KCNIP4: variants seen among roughly 807,000 people sequenced by gnomAD.
KCNIP4 encodes potassium voltage-gated channel interacting protein 4, also known as Kv channel-interacting protein 4.
KCNIP4 carries 12 observed loss-of-function variants against 34.0 expected under a neutral mutation model. That is an observed-to-expected ratio of 0.35 (90% confidence interval 0.23 to 0.57). The LOEUF is 0.57. Ranked by LOEUF, KCNIP4 falls within the 20% of genes least tolerant of loss-of-function variation. The pLI is 0.83. For missense variants in KCNIP4, 238 were observed against 311.7 expected, an observed-to-expected ratio of 0.76 and a Z score of 1.78; for synonymous variants, 124 against 102.2, an observed-to-expected ratio of 1.21 and a Z score of -1.29.
chr4:21,137,878 GTTT>G (rs71189685), intron 1 of KCNIP4, among the ~76,000 whole-genome samples: 1 of 133,902 alleles, frequency 7.5e-6, no homozygotes. Flanking sequence ...AGGCTTTTTT[GTTT>G]TTTTTTTTTT....
chr4:21,079,170 C>T (rs1050593468), intron 1 of KCNIP4, among the ~76,000 whole-genome samples: 2 of 152,052 alleles, frequency 1.3e-5, no homozygotes, highest in Non-Finnish European at 2.9e-5. Flanking sequence ...ATAGAAAGGA[C>T]TCTAGAGATT....
intron 1 of KCNIP4, among the ~76,000 whole-genome samples, chr4:21,363,957 T>C (rs1003406856): frequency 1.3e-5 from 2 of 152,128 alleles, no homozygotes; most frequent in Admixed American, 1.3e-4. Context: ...CCCCAAGATA[T>C]CTGATAAAGC....
chr4:21,207,925 C>A (rs1023624488), intron 1 of KCNIP4, among the ~76,000 whole-genome samples: 2 of 151,070 alleles, frequency 1.3e-5, no homozygotes, highest in African/African-American at 2.4e-5. Context: ...TCACTGCAAC[C>A]TCCACCTCTG....
At chr4:21,646,096 A>C (rs986482937) in intron 1 of KCNIP4, among the ~76,000 whole-genome samples, 1 of 152,142 alleles carries the variant, frequency 6.6e-6, no homozygotes, top group African/African-American at 2.4e-5. Flanking sequence ...CGTATCACTC[A>C]CTTTATTTCT....
chr4:21,646,771 G>A (rs1036588403), intron 1 of KCNIP4, among the ~76,000 whole-genome samples: 1 of 152,112 alleles, frequency 6.6e-6, no homozygotes, highest in Non-Finnish European at 1.5e-5. Context: ...ACATGCCACT[G>A]ATTATATCTA....
intron 1 of KCNIP4, among the ~76,000 whole-genome samples, chr4:21,688,580 A>T (rs1376511285): frequency 1.3e-5 from 2 of 152,156 alleles, no homozygotes; most frequent in Non-Finnish European, 2.9e-5. Flanking sequence ...ATCAATATAC[A>T]TTACAGAATG....
intron 5 of KCNIP4, among the ~76,000 whole-genome samples, chr4:20,740,774 A>G (rs1307046656): frequency 6.6e-6 from 1 of 152,174 alleles, no homozygotes; most frequent in Non-Finnish European, 1.5e-5. Context: ...AAAGACACAA[A>G]CTGGCAAATA....
At chr4:21,218,924 T>C (rs921978525) in intron 1 of KCNIP4, among the ~76,000 whole-genome samples, 11 of 152,110 alleles carry the variant, frequency 7.2e-5, no homozygotes, top group Non-Finnish European at 1.5e-4. Flanking sequence ...AAATTGGGAG[T>C]TCAAATTCCA....
chr4:21,896,706 G>A (rs1377460748), intron 1 of KCNIP4, among the ~76,000 whole-genome samples: 1 of 152,042 alleles, frequency 6.6e-6, no homozygotes, highest in Non-Finnish European at 1.5e-5. Flanking sequence ...ATCATTTGAG[G>A]TTAGGAGTTT....
chr4:21,886,085 T>C (rs1352296321), intron 1 of KCNIP4, among the ~76,000 whole-genome samples: 2 of 152,146 alleles, frequency 1.3e-5, no homozygotes, highest in Non-Finnish European at 2.9e-5. Flanking sequence ...GTAAGCAGTT[T>C]TTTAGAACAT....
intron 1 of KCNIP4, among the ~76,000 whole-genome samples, chr4:21,342,392 C>G (rs1048028631): frequency 6.6e-6 from 1 of 152,100 alleles, no homozygotes; most frequent in Admixed American, 6.6e-5. Flanking sequence ...CTATTCAAAG[C>G]TATTTTTATA....
intron 1 of KCNIP4, among the ~76,000 whole-genome samples, chr4:21,689,274 G>A (rs1198914751): frequency 6.6e-6 from 1 of 152,060 alleles, no homozygotes; most frequent in South Asian, 2.1e-4. Flanking sequence ...TAATGATTAG[G>A]TATTTCAATT....
At chr4:21,077,488 T>C (rs995699978) in intron 1 of KCNIP4, among the ~76,000 whole-genome samples, 1 of 152,106 alleles carries the variant, frequency 6.6e-6, no homozygotes, top group African/African-American at 2.4e-5. Flanking sequence ...TTTTTACTCC[T>C]CTACCTGCTA....
intron 1 of KCNIP4, among the ~76,000 whole-genome samples, chr4:21,139,918 C>A (rs1412513867): frequency 6.6e-6 from 1 of 152,048 alleles, no homozygotes; most frequent in Non-Finnish European, 1.5e-5. Flanking sequence ...GTTTAATGAT[C>A]AGTCTTTTTA....
intron 1 of KCNIP4, among the ~76,000 whole-genome samples, chr4:21,305,733 C>T (rs1712392225): frequency 6.6e-6 from 1 of 152,212 alleles, no homozygotes; most frequent in South Asian, 2.1e-4. Flanking sequence ...CACCCAAACT[C>T]ATTCTGGGCT....
chr4:21,273,156 C>T lies in KCNIP4; in HGVS notation c.62-390447G>A, dbSNP rs186179788. ...GAAAAGGACAATTGAATAAACATAT[C>T]CTTATCAATTTGACCTCTTCTAAGA... On this transcript the variant is annotated intron_variant, in intron 1 of 8. Transcript: ENST00000382152. Among the ~76,000 whole-genome samples, 742 of 152,206 alleles carry T rather than the reference C, an allele frequency of 4.9e-3. 5 individuals carry two copies. The highest frequency in any genetic ancestry group is 0.016 in the African/African-American group (683 of 41,546).
intron 1 of KCNIP4, among the ~76,000 whole-genome samples, chr4:21,284,096 C>G (rs1410058746): frequency 6.6e-6 from 1 of 151,784 alleles, no homozygotes; most frequent in East Asian, 1.9e-4. Context: ...GCCTGTAGTC[C>G]CAGCTACTTG....
chr4:21,351,909 A>G (rs901537677), intron 1 of KCNIP4, among the ~76,000 whole-genome samples: 1 of 152,154 alleles, frequency 6.6e-6, no homozygotes, highest in Non-Finnish European at 1.5e-5. Context: ...TTTTGATGGC[A>G]GCTATAGCAA....
intron 1 of KCNIP4, among the ~76,000 whole-genome samples, chr4:21,250,181 C>T (rs1399595665): frequency 1.4e-5 from 2 of 146,452 alleles, no homozygotes; most frequent in African/African-American, 5.1e-5. Context: ...TAAAAGTATC[C>T]AGACAACTAC....
Sources: gnomAD v4.1 joint callset for allele counts (sites outside exome capture counted in the v4.1 genomes callset) on GRCh38, gnomAD v4.1.1 for gene constraint, MANE v1.5 for transcripts, NCBI Gene and HGNC (gene_info 2026-07-23, HGNC 2026-07-21) for gene names.